CDH4: variants seen among roughly 807,000 people sequenced by gnomAD.
CDH4 encodes cadherin-4.
A neutral mutation model predicts 86.0 loss-of-function variants in CDH4; 33 were observed. That is an observed-to-expected ratio of 0.38 (90% confidence interval 0.29 to 0.51). The LOEUF (loss-of-function observed/expected upper bound fraction) is 0.51, where lower values mean the gene tolerates loss of function less well. CDH4 is among the 20% of genes least tolerant of loss of function. The probability of loss-of-function intolerance (pLI) is 0.86; values close to 1 mark genes in which losing one functional copy is unlikely to be tolerated. For missense variants in CDH4, 1,114 were observed against 1,307.4 expected, an observed-to-expected ratio of 0.85 and a Z score of 2.28; for synonymous variants, 555 against 549.4, an observed-to-expected ratio of 1.01 and a Z score of -0.14.
intron 6 of CDH4, among the ~76,000 whole-genome samples, chr20:61,871,351 G>T (rs905520045): frequency 6.6e-6 from 1 of 152,124 alleles, no homozygotes; most frequent in African/African-American, 2.4e-5. Flanking sequence ...AAGTCAGCTT[G>T]AAGTCTTCTC....
chr20:61,756,279 ATC>A (rs2088563931), intron 3 of CDH4, among the ~76,000 whole-genome samples: 1 of 152,056 alleles, frequency 6.6e-6, no homozygotes, highest in East Asian at 1.9e-4. Flanking sequence ...CTTGCCTCCG[ATC>A]TGCATTTGTA....
chr20:61,263,857 G>A (rs144378240), intron 2 of CDH4, among the ~76,000 whole-genome samples: 341 of 152,070 alleles, frequency 2.2e-3, no homozygotes, highest in Non-Finnish European at 4.2e-3. Flanking sequence ...GCTCCTGGCC[G>A]CTTCCTCCGT....
At chr20:61,853,812 C>T (rs1206233708) in intron 6 of CDH4, among the ~76,000 whole-genome samples, 1 of 152,212 alleles carries the variant, frequency 6.6e-6, no homozygotes, top group Non-Finnish European at 1.5e-5. Context: ...CCCACTGTGG[C>T]TGCCTCCTGC....
At chr20:61,730,249 A>G (rs1475871687) in intron 2 of CDH4, among the ~76,000 whole-genome samples, 4 of 152,126 alleles carry the variant, frequency 2.6e-5, no homozygotes, top group Admixed American at 2.6e-4. Context: ...GACCAAATGC[A>G]TGGTGACACG....
chr20:61,270,059 C>A (rs1334050952), intron 2 of CDH4, among the ~76,000 whole-genome samples: 19 of 152,170 alleles, frequency 1.2e-4, no homozygotes, highest in Non-Finnish European at 2.8e-4. Context: ...ATGGTCTTTA[C>A]ATTTCTTATG....
At chr20:61,565,101 C>CTGGTCCTCTTGGTGTTGG (rs2086258564) in intron 2 of CDH4, among the ~76,000 whole-genome samples, 1 of 40,966 alleles carries the variant, frequency 2.4e-5, no homozygotes, top group Non-Finnish European at 5.1e-5. Context: ...CTTGGTGGTG[C>CTGGTCCTCTTGGTGTTGG]TCTTGGTGGT....
intron 7 of CDH4, among the ~76,000 whole-genome samples, chr20:61,887,539 CTG>C (rs996545977): frequency 1.3e-5 from 2 of 152,256 alleles, no homozygotes; most frequent in African/African-American, 4.8e-5. Flanking sequence ...ACACAATACA[CTG>C]TACATGTCTC....
intron 3 of CDH4, among the ~76,000 whole-genome samples, chr20:61,768,260 C>T (rs1158198618): frequency 6.6e-6 from 1 of 152,136 alleles, no homozygotes; most frequent in Non-Finnish European, 1.5e-5. Context: ...TGCATAAACA[C>T]ACATGTATTC....
chr20:61,410,011 G>A lies in CDH4; in HGVS notation c.169+155074G>A, dbSNP rs565512733. ...GAAAAGTGAAGTGGCCTGCCACAGGGTGTACAGTGCAGCTCAGTGCAGAGC... is the reference window on the plus strand; with the variant it reads ...GAAAAGTGAAGTGGCCTGCCACAGGATGTACAGTGCAGCTCAGTGCAGAGC... On this transcript the variant is annotated intron_variant, in intron 2 of 15. Transcript: ENST00000614565. 2.6e-5 allele frequency among the ~76,000 whole-genome samples: 4 copies of A among 152,324 alleles called. No homozygotes were observed. The South Asian group carries it at 6.2e-4, about 24-fold the overall frequency.
intron 2 of CDH4, among the ~76,000 whole-genome samples, chr20:61,540,835 T>C (rs925624731): frequency 4.6e-5 from 7 of 152,066 alleles, no homozygotes; most frequent in Non-Finnish European, 1.0e-4. Flanking sequence ...TGTGGGGGAA[T>C]TTGGTGCTTC....
intron 2 of CDH4, among the ~76,000 whole-genome samples, chr20:61,553,047 A>G (rs1600752603): frequency 6.6e-6 from 1 of 152,246 alleles, no homozygotes; most frequent in Non-Finnish European, 1.5e-5. Flanking sequence ...TCAAATGTCC[A>G]TCACCTGAAA....
intron 4 of CDH4, among the ~76,000 whole-genome samples, chr20:61,775,107 A>T (rs2088822838): frequency 6.6e-6 from 1 of 152,184 alleles, no homozygotes; most frequent in African/African-American, 2.4e-5. Context: ...CACACTGTTT[A>T]TCCCCAAAGG....
intron 2 of CDH4, among the ~76,000 whole-genome samples, chr20:61,310,253 G>T (rs1051032852): frequency 6.6e-6 from 1 of 152,088 alleles, no homozygotes; most frequent in South Asian, 2.1e-4. Context: ...AAGCCAGGAC[G>T]GGAGGGCAAG....
intron 2 of CDH4, among the ~76,000 whole-genome samples, chr20:61,364,159 C>G (rs1319150945): frequency 2.6e-5 from 4 of 152,220 alleles, no homozygotes; most frequent in East Asian, 1.9e-4. Flanking sequence ...CAGCTGTGCT[C>G]TCTCTACCCC....
intron 2 of CDH4, among the ~76,000 whole-genome samples, chr20:61,472,728 TTAA>T (rs1400759054): frequency 6.6e-6 from 1 of 152,250 alleles, no homozygotes; most frequent in Non-Finnish European, 1.5e-5. Flanking sequence ...GACATCATTA[TTAA>T]TTTAGTTTTT....
chr20:61,704,180 G>A (rs1373595685), intron 2 of CDH4, among the ~76,000 whole-genome samples: 1 of 152,152 alleles, frequency 6.6e-6, no homozygotes. Context: ...TGTTTGAGAA[G>A]TGCAGACGGG....
intron 2 of CDH4, among the ~76,000 whole-genome samples, chr20:61,533,407 C>T (rs1337535268): frequency 6.6e-6 from 1 of 152,230 alleles, no homozygotes; most frequent in Non-Finnish European, 1.5e-5. Flanking sequence ...GCTGCGTCGC[C>T]CAAGTCCTGC....
At chr20:61,721,039 C>T (rs73314469) in intron 2 of CDH4, among the ~76,000 whole-genome samples, 3,309 of 152,258 alleles carry the variant, frequency 0.022, 113 homozygotes, top group African/African-American at 0.076. Context: ...GGCTCCCTGC[C>T]CTGAGCTCCT....
chr20:61,507,978 G>A (rs1029151141), intron 2 of CDH4, among the ~76,000 whole-genome samples: 3 of 152,222 alleles, frequency 2.0e-5, no homozygotes, highest in Admixed American at 6.5e-5. Context: ...TGACCCCACC[G>A]CCGGGAAGAC....
Sources: gnomAD v4.1 joint callset for allele counts (sites outside exome capture counted in the v4.1 genomes callset) on GRCh38, gnomAD v4.1.1 for gene constraint, MANE v1.5 for transcripts, NCBI Gene and HGNC (gene_info 2026-07-23, HGNC 2026-07-21) for gene names.